Variants in CPAMD8 observed in about 807,000 individuals in gnomAD.
The protein encoded by CPAMD8 is C3 and PZP-like alpha-2-macroglobulin domain-containing protein 8.
CPAMD8 carries 146 observed loss-of-function variants against 224.7 expected under a neutral mutation model. The observed-to-expected ratio is 0.65, with a 90% CI of 0.57 to 0.75. The LOEUF is 0.75. Ranked by LOEUF, CPAMD8 falls within the 30% of genes least tolerant of loss-of-function variation. The pLI, the probability that CPAMD8 is intolerant of heterozygous loss-of-function variation, is 0.00. For synonymous variants in CPAMD8, 966 were observed against 1,044.6 expected (o/e 0.92, Z 1.45); for missense variants, 2,301 against 2,537.5 (o/e 0.91, Z 2.00).
rs149319618 is a variant in CPAMD8, at chr19:16,896,827, T to C, written c.5066-162A>G. ...TGGGAGGTCCTGAGCCCTGGCCTTATGGAATTTCACGCAGGTATTTGCCTA... is the reference window on the plus strand; with the variant it reads ...TGGGAGGTCCTGAGCCCTGGCCTTACGGAATTTCACGCAGGTATTTGCCTA... On this transcript the variant is annotated intron_variant, in intron 39 of 41. Transcript: ENST00000443236. 2.2e-3 allele frequency: 939 copies of C among 434,126 alleles called. 9 individuals carry two copies. Among genetic ancestry groups the C allele is most frequent in the African/African-American group, 0.017 (847 of 48,904 alleles). 26.9% of individuals were successfully genotyped at this position (434,126 alleles called of 1,614,324 possible).
At chr19:16,897,400 G>A (rs907576078) in intron 39 of CPAMD8, 2 of 426,056 alleles carry the variant, frequency 4.7e-6, no homozygotes, top group Non-Finnish European at 8.3e-6. Context: ...CCCCACCACA[G>A]TGACCACACC....
intron 23 of CPAMD8, among the ~76,000 whole-genome samples, chr19:16,935,210 T>C (rs2053650273): frequency 6.6e-6 from 1 of 152,194 alleles, no homozygotes; most frequent in Non-Finnish European, 1.5e-5. Flanking sequence ...TCTTGCAAAA[T>C]CACAATCAGG....
At chr19:17,017,100 C>T (rs2056833004) in intron 3 of CPAMD8, among the ~76,000 whole-genome samples, 1 of 152,046 alleles carries the variant, frequency 6.6e-6, no homozygotes, top group Non-Finnish European at 1.5e-5. Flanking sequence ...GCTCCGCCTC[C>T]CATCAGATCA....
intron 26 of CPAMD8, 32 bp downstream of exon 26, chr19:16,925,164 C>T (rs372824505): frequency 1.5e-5 from 24 of 1,610,294 alleles, no homozygotes; most frequent in Non-Finnish European, 1.9e-5. Flanking sequence ...TCCCTTGCTC[C>T]CACCTCAACC....
intron 13 of CPAMD8, 132 bp from the exon 14 acceptor site, chr19:16,980,818 G>A: frequency 1.7e-6 from 1 of 594,198 alleles, no homozygotes. Flanking sequence ...ATCCAGTCCT[G>A]GCCCCTAGCT....
chr19:16,998,268 T>C (rs2056199347), intron 10 of CPAMD8, among the ~76,000 whole-genome samples: 1 of 152,182 alleles, frequency 6.6e-6, no homozygotes, highest in Non-Finnish European at 1.5e-5. Flanking sequence ...AAGACCAGCC[T>C]GGCCAACATG....
At chr19:17,008,591 A>G (rs1568595823) in intron 6 of CPAMD8, 32 bp from the exon 7 acceptor site, 1 of 1,611,114 alleles carries the variant, frequency 6.2e-7, no homozygotes. Flanking sequence ...AGACACACGG[A>G]GTGAACTCAG....
At chr19:16,924,655 A>C (rs2053294508) in intron 26 of CPAMD8, among the ~76,000 whole-genome samples, 1 of 152,136 alleles carries the variant, frequency 6.6e-6, no homozygotes, top group Non-Finnish European at 1.5e-5. Flanking sequence ...ATCACAGTTC[A>C]CTGCAGCCTC....
intron 5 of CPAMD8, among the ~76,000 whole-genome samples, chr19:17,010,966 T>G (rs1325506612): frequency 6.6e-6 from 1 of 151,466 alleles, no homozygotes; most frequent in Non-Finnish European, 1.5e-5. Context: ...GAGGTCGCAG[T>G]GAGCCAAGAT....
At chr19:16,993,353 C>A in intron 12 of CPAMD8, 63 bp downstream of exon 12, 1 of 1,454,496 alleles carries the variant, frequency 6.9e-7, no homozygotes, top group East Asian at 2.4e-5. Flanking sequence ...TGCACCCAGC[C>A]TGGGGGAGGC....
chr19:17,001,515 G>A (rs964163128), intron 9 of CPAMD8, among the ~76,000 whole-genome samples: 6 of 116,348 alleles, frequency 5.2e-5, no homozygotes, highest in Non-Finnish European at 1.1e-4. Flanking sequence ...CTTGGGGAGG[G>A]AAGAACTTAG....
At position 17,011,690 on chromosome 19, in the gene CPAMD8, C is replaced by A. The variant is rs748288553; in HGVS notation, c.335G>T (p.Gly112Val). 3 of 1,613,862 alleles carry A rather than the reference C, an allele frequency of 1.9e-6. No individual in the cohort carries two copies. The East Asian group carries it at 6.7e-5, about 36-fold the overall frequency. The change falls in exon 4 of 42, where the codon GGG becomes GTG. Residue 112 changes from glycine to valine, a missense_variant. Around this residue, in one of 4 missense-constraint regions of CPAMD8, gnomAD observed 283 missense variants for 340.6 expected, o/e 0.83. Coordinates refer to ENST00000443236, the MANE Select transcript of CPAMD8 (RefSeq NM_015692.5). ...CGAGGTCTGGTTGTGAAAGAGGGGC[C>A]CCTCCTCCGCCTGCCAGCCGCGGCC... ...VWGRGWQAEE[G>V]PLFHNQTSVT...
chr19:16,952,264 G>C, intron 19 of CPAMD8, 64 bp from the exon 20 acceptor site: 1 of 941,846 alleles, frequency 1.1e-6, no homozygotes, highest in Non-Finnish European at 1.7e-6. Context: ...AGGGGGGCCA[G>C]TGGGCATGGA....
In CPAMD8 at chr19:17,008,506, G is replaced by T. The variant is rs753296574; in HGVS notation, c.558C>A (p.Cys186Ter). ...CAAGCCGCAGAGGAAGAAACTTACCGCAGCAGAACGGCTTTAAGTGTCTCC... is the reference window on the plus strand; with the variant it reads ...CAAGCCGCAGAGGAAGAAACTTACCTCAGCAGAACGGCTTTAAGTGTCTCC... ...IEWRHLKPFCCGITNMSFPLS... is the reference protein window; with the variant it reads ...IEWRHLKPFC Residue 186 changes from cysteine to a stop codon, truncating the protein, a stop_gained and splice_region_variant, in exon 7 of 42, where the codon TGC becomes TGA. Transcript: ENST00000443236. LOFTEE classifies it high-confidence loss of function. 2 of 1,612,804 alleles carry T rather than the reference G, an allele frequency of 1.2e-6. No homozygotes were observed. The highest frequency in any genetic ancestry group is 2.2e-5 in the South Asian group (2 of 91,010).
intron 18 of CPAMD8, among the ~76,000 whole-genome samples, chr19:16,966,626 G>T (rs983545386): frequency 7.9e-5 from 12 of 151,924 alleles, no homozygotes; most frequent in African/African-American, 2.9e-4. Flanking sequence ...AATCTACAAA[G>T]AACTCAAACA....
chr19:16,939,994 C>A (rs550908108), intron 22 of CPAMD8, among the ~76,000 whole-genome samples: 1 of 152,034 alleles, frequency 6.6e-6, no homozygotes, highest in South Asian at 2.1e-4. Context: ...TTCACTACAA[C>A]CTCCGCCTCC....
At chr19:16,930,265 AG>A (rs2144972550) in intron 23 of CPAMD8, among the ~76,000 whole-genome samples, 1 of 152,004 alleles carries the variant, frequency 6.6e-6, no homozygotes, top group East Asian at 1.9e-4. Flanking sequence ...CAAAAAAAAA[AG>A]AAAAAAAAAA....
At chr19:16,893,360 T>C in intron 41 of CPAMD8, 21 bp from the exon 42 acceptor site, 1 of 1,470,120 alleles carries the variant, frequency 6.8e-7, no homozygotes, top group Non-Finnish European at 9.1e-7. Context: ...GGTTTTATCT[T>C]ACAACATCCT....
intron 20 of CPAMD8, among the ~76,000 whole-genome samples, chr19:16,948,195 C>G (rs554129093): frequency 3.7e-4 from 56 of 152,282 alleles, no homozygotes; most frequent in African/African-American, 1.3e-3. Flanking sequence ...CTACTGGGTG[C>G]CCCGCTAGGA....
Sources: allele counts gnomAD v4.1 joint callset (sites outside exome capture counted in the v4.1 genomes callset), GRCh38; gene constraint gnomAD v4.1.1; regional missense constraint gnomAD v4.1.1; transcripts MANE v1.5; gene names NCBI Gene and HGNC (gene_info 2026-07-23, HGNC 2026-07-21).